The following SLC26A5 variants were observed in gnomAD, a reference collection of about 807,000 sequenced individuals.
SLC26A5 encodes the protein prestin.
SLC26A5 carries 51 observed loss-of-function variants against 81.0 expected under a neutral mutation model. That is an observed-to-expected ratio of 0.63 (90% CI 0.50 to 0.80). The LOEUF is 0.80. SLC26A5 is among the 30% of genes least tolerant of loss of function. The pLI is 0.00. For missense variants in SLC26A5, 771 were observed against 905.8 expected (o/e 0.85, Z 1.91); for synonymous variants, 325 against 332.8 (o/e 0.98, Z 0.25).
intron 4 of SLC26A5, among the ~76,000 whole-genome samples, chr7:103,420,289 C>CTTTTTTTTTTTTT (rs35755959): frequency 4.4e-5 from 4 of 90,578 alleles, no homozygotes; most frequent in Non-Finnish European, 8.4e-5. Flanking sequence ...ATCCCTGGAG[C>CTTTTTTTTTTTTT]TTTTTTTTTT....
chr7:103,393,650 C>T lies in SLC26A5; in HGVS notation c.972-584G>A, dbSNP rs1360756635. Among the ~76,000 whole-genome samples, 4 of 151,920 alleles carry T rather than the reference C, an allele frequency of 2.6e-5. No homozygotes were observed. In the East Asian group the frequency reaches 7.7e-4, roughly 29 times the overall value. ...GGGAAAGGAGCAGCAGAAGACTATA[C>T]TCCTTGGGTGTCACCTGGGAATCTT... is the stretch of plus-strand genomic sequence containing the variant. On this transcript the variant is annotated intron_variant, in intron 9 of 19. Transcript: ENST00000306312.
intron 19 of SLC26A5, chr7:103,368,216 A>G: frequency 1.5e-6 from 1 of 679,184 alleles, no homozygotes; most frequent in Non-Finnish European, 2.3e-6. Context: ...GTTATTAGGC[A>G]GAAAAGCTTG....
intron 19 of SLC26A5, among the ~76,000 whole-genome samples, chr7:103,360,675 T>C (rs978154406): frequency 6.6e-5 from 10 of 152,208 alleles, no homozygotes; most frequent in Non-Finnish European, 1.5e-4. Context: ...CTAATGTGAG[T>C]TCTGTTTTTT....
chr7:103,370,455 CTCTTT>C (rs1201798986), downstream of SLC26A5, among the ~76,000 whole-genome samples: 1 of 151,514 alleles, frequency 6.6e-6, no homozygotes, highest in Non-Finnish European at 1.5e-5. Flanking sequence ...TTGCTACCCT[CTCTTT>C]TCTTCATCCA....
intron 4 of SLC26A5, among the ~76,000 whole-genome samples, chr7:103,418,872 A>C (rs1463607350): frequency 6.6e-6 from 1 of 152,070 alleles, no homozygotes; most frequent in Non-Finnish European, 1.5e-5. Context: ...AGCAGTCTTC[A>C]GTGACCTCTT....
intron 7 of SLC26A5, 53 bp downstream of exon 7, chr7:103,410,332 G>T: frequency 6.9e-7 from 1 of 1,453,232 alleles, no homozygotes; most frequent in Non-Finnish European, 9.7e-7. Flanking sequence ...AGAAGAGAAG[G>T]TTGGGGGGAA....
intron 6 of SLC26A5, among the ~76,000 whole-genome samples, 193 bp downstream of exon 6, chr7:103,411,227 C>T (rs1236005261): frequency 2.0e-5 from 3 of 152,188 alleles, no homozygotes; most frequent in Admixed American, 2.0e-4. Flanking sequence ...CTTTAAAACA[C>T]CCACCTGAAG....
chr7:103,385,034 A>T (rs80284090), intron 14 of SLC26A5, among the ~76,000 whole-genome samples: 5,434 of 152,254 alleles, frequency 0.036, 353 homozygotes, highest in African/African-American at 0.12. Flanking sequence ...TATAATTTTT[A>T]AAATTTTATA....
intron 19 of SLC26A5, among the ~76,000 whole-genome samples, chr7:103,365,501 T>C (rs1429948609): frequency 3.3e-5 from 5 of 151,980 alleles, no homozygotes; most frequent in Non-Finnish European, 5.9e-5. Context: ...TGGTGGCGCA[T>C]GTCTGTAATC....
downstream of SLC26A5, among the ~76,000 whole-genome samples, chr7:103,370,645 T>G (rs1413919040): frequency 6.6e-6 from 1 of 152,168 alleles, no homozygotes; most frequent in Non-Finnish European, 1.5e-5. Flanking sequence ...CCCTTAACAG[T>G]TTCTTGGGGT....
At chr7:103,354,385 T>G (rs1433195359) in intron 19 of SLC26A5, among the ~76,000 whole-genome samples, 1 of 146,680 alleles carries the variant, frequency 6.8e-6, no homozygotes, top group Non-Finnish European at 1.5e-5. Context: ...TTTTTTTTTT[T>G]GAAACGGAGT....
chr7:103,377,486 A>G (rs1821439036), intron 18 of SLC26A5, 113 bp downstream of exon 18: 1 of 1,017,476 alleles, frequency 9.8e-7, no homozygotes, highest in Non-Finnish European at 1.5e-6. Context: ...TTCCATAATC[A>G]AAAGGGGATA....
chr7:103,438,869 T>A (rs947877909), intron 2 of SLC26A5, among the ~76,000 whole-genome samples: 3 of 152,142 alleles, frequency 2.0e-5, no homozygotes, highest in African/African-American at 7.2e-5. Flanking sequence ...ATCAGGAACA[T>A]GAATTTGGAA....
intron 14 of SLC26A5, among the ~76,000 whole-genome samples, chr7:103,384,949 T>C (rs775115936): frequency 1.3e-5 from 2 of 152,182 alleles, no homozygotes; most frequent in Non-Finnish European, 2.9e-5. Flanking sequence ...ATGTCTTATA[T>C]ACTGCACTGT....
At chr7:103,425,502 A>C (rs953935817) in intron 2 of SLC26A5, among the ~76,000 whole-genome samples, 3 of 152,134 alleles carry the variant, frequency 2.0e-5, no homozygotes, top group African/African-American at 4.8e-5. Flanking sequence ...AATACATAAG[A>C]AAAATCACAA....
intron 15 of SLC26A5, 148 bp from the exon 16 acceptor site, chr7:103,379,483 CAA>C (rs375313152): frequency 0.033 from 9,599 of 287,626 alleles, no homozygotes; most frequent in South Asian, 0.049. Context: ...ACACACAGAC[CAA>C]AAAAAAAAAA....
chr7:103,381,587 CAT>C lies in SLC26A5; in HGVS notation c.1515-1040_1515-1039del, dbSNP rs201584097. Among the ~76,000 whole-genome samples the C allele has an allele frequency of 5.1e-3, 769 of 151,322 alleles. 6 individuals are homozygous for C. Among genetic ancestry groups the C allele is most frequent in the African/African-American group, 0.017 (707 of 41,168 alleles). ...ACCCCTACATACATATACACACACACATGCATACACACCACACATGCAATATA... is the reference window on the plus strand; with the variant it reads ...ACCCCTACATACATATACACACACACGCATACACACCACACATGCAATATA... On this transcript the variant is annotated intron_variant, in intron 14 of 19. Coordinates refer to ENST00000306312, the MANE Select transcript of SLC26A5 (RefSeq NM_198999.3).
At chr7:103,376,480 C>T (rs984786245) in intron 19 of SLC26A5, among the ~76,000 whole-genome samples, 1 of 152,148 alleles carries the variant, frequency 6.6e-6, no homozygotes, top group Non-Finnish European at 1.5e-5. Flanking sequence ...TTATATGTAA[C>T]TGTTTATGGC....
At chr7:103,417,518 C>T (rs1232840953) in intron 4 of SLC26A5, among the ~76,000 whole-genome samples, 3 of 150,796 alleles carry the variant, frequency 2.0e-5, no homozygotes, top group Admixed American at 1.3e-4. Flanking sequence ...ACAGCTTGAT[C>T]TTAGCTCCCT....
Sources: allele counts gnomAD v4.1 joint callset (sites outside exome capture counted in the v4.1 genomes callset), GRCh38; gene constraint gnomAD v4.1.1; transcripts MANE v1.5; gene names NCBI Gene and HGNC (gene_info 2026-07-23, HGNC 2026-07-21).